RNF180: variants seen among roughly 807,000 people sequenced by gnomAD.
RNF180 encodes the protein ring finger protein 180.
A neutral mutation model predicts 59.2 loss-of-function variants in RNF180; 38 were observed. The observed-to-expected ratio is 0.64, with a 90% CI of 0.50 to 0.84. RNF180 has a LOEUF of 0.84. Ranked by LOEUF, RNF180 falls within the 40% of genes least tolerant of loss-of-function variation. RNF180 has a pLI of 0.00. For synonymous variants in RNF180, 262 were observed against 240.3 expected (o/e 1.09, Z -0.84); for missense variants, 705 against 700.9 (o/e 1.01, Z -0.07).
chr5:64,166,793 A>G (rs1052912712), intron 1 of RNF180, among the ~76,000 whole-genome samples: 4 of 152,200 alleles, frequency 2.6e-5, no homozygotes, highest in African/African-American at 4.8e-5. Context: ...TAAGCAGTCA[A>G]TCCTTGTGGA....
intron 1 of RNF180, among the ~76,000 whole-genome samples, chr5:64,185,036 C>T (rs1473530443): frequency 6.6e-6 from 1 of 152,186 alleles, no homozygotes; most frequent in African/African-American, 2.4e-5. Flanking sequence ...CACTGGCACC[C>T]TTTCCCTTAC....
At chr5:64,168,478 G>A (rs1157413891) in intron 1 of RNF180, among the ~76,000 whole-genome samples, 2 of 152,186 alleles carry the variant, frequency 1.3e-5, no homozygotes, top group African/African-American at 4.8e-5. Flanking sequence ...ACATTTGCAT[G>A]TAATCTCTGT....
At chr5:64,356,243 C>A (rs1235024030) in intron 7 of RNF180, among the ~76,000 whole-genome samples, 1 of 150,556 alleles carries the variant, frequency 6.6e-6, no homozygotes, top group Non-Finnish European at 1.5e-5. Flanking sequence ...GCCTGGCTGA[C>A]AGAGTGAGAC....
intron 1 of RNF180, among the ~76,000 whole-genome samples, chr5:64,191,313 A>G (rs1477071200): frequency 1.3e-5 from 2 of 152,188 alleles, no homozygotes; most frequent in Admixed American, 1.3e-4. Context: ...ACTAAAATTA[A>G]TAATTTACAT....
At chr5:64,358,681 T>C (rs1488052775) in intron 7 of RNF180, among the ~76,000 whole-genome samples, 1 of 151,848 alleles carries the variant, frequency 6.6e-6, no homozygotes, top group Non-Finnish European at 1.5e-5. Flanking sequence ...AGGGTACATG[T>C]GCACATTGTG....
intron 1 of RNF180, among the ~76,000 whole-genome samples, chr5:64,173,806 C>G (rs1335199983): frequency 6.6e-6 from 1 of 151,680 alleles, no homozygotes; most frequent in Non-Finnish European, 1.5e-5. Context: ...ACCTCTGCCT[C>G]CCGGGTTCAA....
At position 64,369,468 on chromosome 5, in the gene RNF180, A is replaced by T. The variant is rs918708096; in HGVS notation, c.1580-147A>T. 18 of 360,976 alleles carry T rather than the reference A, an allele frequency of 5.0e-5. No homozygotes were observed. The African/African-American group carries it at 1.1e-3, about 22-fold the overall frequency. The allele number at this position is 360,976 out of a possible 1,614,324, so 22.4% of individuals were successfully genotyped here. ...TAAAACTTAAAGTATAATAATAATAAAAAAAAAAGAAAAAACTGTCAGGAA... is the reference window on the plus strand; with the variant it reads ...TAAAACTTAAAGTATAATAATAATATAAAAAAAAGAAAAAACTGTCAGGAA... On this transcript the variant is annotated intron_variant, in intron 7 of 7. Coordinates refer to ENST00000389100, the MANE Select transcript of RNF180 (RefSeq NM_001113561.2).
intron 5 of RNF180, among the ~76,000 whole-genome samples, chr5:64,322,890 C>T (rs980940030): frequency 2.6e-5 from 4 of 151,966 alleles, no homozygotes; most frequent in African/African-American, 9.7e-5. Context: ...GTATACTGCT[C>T]AGGTGATGGG....
At chr5:64,354,126 T>C (rs1745925063) in intron 7 of RNF180, among the ~76,000 whole-genome samples, 1 of 151,072 alleles carries the variant, frequency 6.6e-6, no homozygotes, top group African/African-American at 2.4e-5. Flanking sequence ...ATGATTAGAA[T>C]AGGGATTAAT....
chr5:64,311,993 G>A (rs925151348), intron 5 of RNF180, among the ~76,000 whole-genome samples: 23 of 151,952 alleles, frequency 1.5e-4, no homozygotes, highest in African/African-American at 5.6e-4. Context: ...ACACGTATGC[G>A]AGAGTTGCAG....
In RNF180 at chr5:64,369,651, A is replaced by G; in HGVS notation, c.1616A>G (p.Gln539Arg). ...RRHAAPVTRR[Q>R]FPHGAHRMDY... The stretch of plus-strand genomic sequence containing the variant: ...CATGCAGCTCCAGTTACAAGAAGGC[A>G]GTTCCCACACGGTGCACACAGGATG... The change falls in exon 8 of 8, where the codon CAG becomes CGG. Residue 539 changes from glutamine to arginine, a missense_variant. Physicochemically the swap from Gln to Arg is conservative, Grantham distance 43. Transcript: ENST00000389100. 1 of 1,528,568 alleles carries G rather than the reference A, an allele frequency of 6.5e-7. No homozygotes were observed. Among genetic ancestry groups the G allele is most frequent in the Non-Finnish European group, 8.8e-7 (1 of 1,139,696 alleles). The allele number at this position is 1,528,568 out of a possible 1,614,324, so 94.7% of individuals were successfully genotyped here.
At chr5:64,209,231 G>A (rs1457305031) in intron 2 of RNF180, among the ~76,000 whole-genome samples, 2 of 151,944 alleles carry the variant, frequency 1.3e-5, no homozygotes, top group Non-Finnish European at 2.9e-5. Flanking sequence ...AAAAGAATAA[G>A]TACATTGTAA....
intron 5 of RNF180, among the ~76,000 whole-genome samples, chr5:64,316,936 C>T (rs978878546): frequency 6.6e-6 from 1 of 152,180 alleles, no homozygotes; most frequent in Non-Finnish European, 1.5e-5. Context: ...ATACTCAATT[C>T]CTACAGTAGG....
At chr5:64,170,783 G>A (rs1448601696) in intron 1 of RNF180, among the ~76,000 whole-genome samples, 1 of 152,058 alleles carries the variant, frequency 6.6e-6, no homozygotes, top group East Asian at 1.9e-4. Context: ...TGAATCCAGG[G>A]GTCAACACCT....
At chr5:64,192,439 T>C (rs1002734794) in intron 1 of RNF180, among the ~76,000 whole-genome samples, 5 of 152,184 alleles carry the variant, frequency 3.3e-5, no homozygotes, top group Non-Finnish European at 5.9e-5. Context: ...TTTGGGAGGC[T>C]GAGGCTGGCG....
chr5:64,331,049 C>G (rs1319183756), intron 7 of RNF180, among the ~76,000 whole-genome samples: 1 of 152,234 alleles, frequency 6.6e-6, no homozygotes, highest in Non-Finnish European at 1.5e-5. Flanking sequence ...CAAGCCCAGG[C>G]ACTGTCGCAA....
chr5:64,252,192 T>A (rs1743623243), intron 5 of RNF180, among the ~76,000 whole-genome samples: 1 of 152,106 alleles, frequency 6.6e-6, no homozygotes, highest in South Asian at 2.1e-4. Flanking sequence ...CATATACCAA[T>A]GGATCAGTAT....
intron 1 of RNF180, among the ~76,000 whole-genome samples, chr5:64,194,730 A>G (rs1016095573): frequency 5.3e-5 from 8 of 151,926 alleles, no homozygotes; most frequent in Admixed American, 4.6e-4. Flanking sequence ...CGTTGTTTTG[A>G]TTTGCATTTC....
At chr5:64,356,170 G>T (rs1746016940) in intron 7 of RNF180, among the ~76,000 whole-genome samples, 1 of 151,722 alleles carries the variant, frequency 6.6e-6, no homozygotes, top group Non-Finnish European at 1.5e-5. Flanking sequence ...TGACATCTGG[G>T]AGCATTTTTT....
Sources: gnomAD v4.1 joint callset for allele counts (sites outside exome capture counted in the v4.1 genomes callset) on GRCh38, gnomAD v4.1.1 for gene constraint, MANE v1.5 for transcripts, NCBI Gene and HGNC (gene_info 2026-07-23, HGNC 2026-07-21) for gene names.